Variants in ANKFN1 observed in about 807,000 individuals in gnomAD.
ANKFN1 encodes the protein ankyrin repeat and fibronectin type-III domain-containing protein 1.
Under a neutral mutation model 108.7 loss-of-function variants are expected in ANKFN1, and 74 were observed. The ratio of observed to expected loss-of-function variants is 0.68; its 90% CI spans 0.56 to 0.83. ANKFN1 has a LOEUF of 0.83. Among genes scored for constraint, ANKFN1 ranks in the 40% least tolerant of loss-of-function variants. The pLI is 0.00. For missense variants in ANKFN1, 1,505 were observed against 1,382.3 expected (o/e 1.09, Z -1.41); for synonymous variants, 547 against 516.2 (o/e 1.06, Z -0.81).
chr17:56,381,535 T>A (rs1162852576), intron 8 of ANKFN1, among the ~76,000 whole-genome samples: 1 of 152,098 alleles, frequency 6.6e-6, no homozygotes, highest in African/African-American at 2.4e-5. Context: ...TTGAAAACTT[T>A]GAAAAAAATT....
intron 18 of ANKFN1, among the ~76,000 whole-genome samples, chr17:56,484,815 C>G (rs975858855): frequency 6.6e-6 from 1 of 152,196 alleles, no homozygotes; most frequent in Non-Finnish European, 1.5e-5. Context: ...CATTGTTATT[C>G]CATGATTACA....
At chr17:56,306,663 T>C (rs1290254822) in intron 3 of ANKFN1, among the ~76,000 whole-genome samples, 2 of 152,190 alleles carry the variant, frequency 1.3e-5, no homozygotes, top group Non-Finnish European at 1.5e-5. Context: ...CAAGGTAATT[T>C]ATAGATTCAA....
chr17:56,073,183 G>A (rs1465844928), intron 4 of ANKFN1, among the ~76,000 whole-genome samples: 1 of 151,878 alleles, frequency 6.6e-6, no homozygotes, highest in African/African-American at 2.4e-5. Flanking sequence ...TAGTAGAGAC[G>A]GGGTTTCACC....
intron 8 of ANKFN1, among the ~76,000 whole-genome samples, chr17:56,413,614 T>A (rs746950238): frequency 7.9e-5 from 12 of 152,248 alleles, no homozygotes; most frequent in Non-Finnish European, 1.6e-4. Context: ...AGTTTTATAT[T>A]GAGAGTTTTT....
At chr17:56,389,762 A>G (rs1162059627) in intron 8 of ANKFN1, among the ~76,000 whole-genome samples, 3 of 152,192 alleles carry the variant, frequency 2.0e-5, no homozygotes, top group Non-Finnish European at 4.4e-5. Flanking sequence ...ATGGAGTAAT[A>G]AGAAGTTTTT....
At chr17:56,059,676 T>A (rs1210073224) in intron 4 of ANKFN1, among the ~76,000 whole-genome samples, 1 of 152,222 alleles carries the variant, frequency 6.6e-6, no homozygotes, top group Non-Finnish European at 1.5e-5. Flanking sequence ...CCCAGCACCA[T>A]TTATTGAATA....
chr17:56,124,645 G>A (rs912662182), intron 4 of ANKFN1, among the ~76,000 whole-genome samples: 4 of 152,140 alleles, frequency 2.6e-5, no homozygotes, highest in Admixed American at 6.5e-5. Context: ...CCAATCAGAC[G>A]CTCGGAACAA....
intron 3 of ANKFN1, among the ~76,000 whole-genome samples, chr17:56,297,947 A>C (rs1043967673): frequency 6.6e-6 from 1 of 152,188 alleles, no homozygotes; most frequent in South Asian, 2.1e-4. Flanking sequence ...CTTGGGGGGA[A>C]ATGCTCCTAC....
intron 1 of ANKFN1, among the ~76,000 whole-genome samples, chr17:56,157,880 G>T (rs533062037): frequency 1.3e-5 from 2 of 152,118 alleles, no homozygotes; most frequent in African/African-American, 4.8e-5. Context: ...CTCCACTCCC[G>T]TTTTCAGGCT....
In ANKFN1 at chr17:56,457,297, A is replaced by G; in HGVS notation, c.1348A>G (p.Ile450Val). ...IAVIFYYKDN[I>V]LVTNEDQVPI... ...CGTTATATTTTATTACAAAGACAAT[A>G]TCTTAGTCACCAATGAAGATCAAGT... Residue 450 changes from isoleucine to valine, a missense_variant, in exon 13 of 21, where the codon ATC becomes GTC. By Grantham distance (29) the Ile-to-Val change is conservative (BLOSUM62 3). Transcript: ENST00000682825. 1 of 1,600,744 alleles carries G rather than the reference A, an allele frequency of 6.2e-7. No homozygotes were observed.
At chr17:56,228,335 G>A (rs1916443470) in intron 3 of ANKFN1, 1 of 202,948 alleles carries the variant, frequency 4.9e-6, no homozygotes, top group African/African-American at 2.4e-5. Context: ...GTCACAGACT[G>A]TTTCTTGTTT....
intron 1 of ANKFN1, among the ~76,000 whole-genome samples, chr17:56,203,775 A>C (rs1197909359): frequency 6.6e-6 from 1 of 152,214 alleles, no homozygotes; most frequent in African/African-American, 2.4e-5. Context: ...ATGTTGGCAA[A>C]GAATGTAAGT....
chr17:56,279,538 C>G (rs957595582), intron 3 of ANKFN1, among the ~76,000 whole-genome samples: 2 of 152,184 alleles, frequency 1.3e-5, no homozygotes, highest in African/African-American at 4.8e-5. Context: ...CATCCAGGAG[C>G]AGAATAACAC....
intron 4 of ANKFN1, among the ~76,000 whole-genome samples, chr17:56,115,715 C>G (rs1906226768): frequency 6.6e-6 from 1 of 152,058 alleles, no homozygotes; most frequent in South Asian, 2.1e-4. Flanking sequence ...GCAAAAGGAC[C>G]TTGTGCTAAC....
intron 2 of ANKFN1, among the ~76,000 whole-genome samples, chr17:56,218,037 A>G (rs1458339286): frequency 6.6e-6 from 1 of 152,150 alleles, no homozygotes; most frequent in East Asian, 1.9e-4. Flanking sequence ...CCTCCTAGTG[A>G]GTCATTAGAT....
At chr17:56,322,414 A>G (rs1355407397) in intron 3 of ANKFN1, among the ~76,000 whole-genome samples, 1 of 152,100 alleles carries the variant, frequency 6.6e-6, no homozygotes, top group Non-Finnish European at 1.5e-5. Context: ...ACTATCCACA[A>G]TGGCCAGGCC....
chr17:56,397,859 T>C (rs1031767101), intron 8 of ANKFN1, among the ~76,000 whole-genome samples: 2 of 152,188 alleles, frequency 1.3e-5, no homozygotes, highest in Non-Finnish European at 2.9e-5. Context: ...ATCTCGTCTT[T>C]AAACCTTAGT....
chr17:56,411,595 T>C (rs2048091172), intron 8 of ANKFN1, among the ~76,000 whole-genome samples: 2 of 152,350 alleles, frequency 1.3e-5, no homozygotes, highest in East Asian at 3.9e-4. Context: ...TTCAACTTTT[T>C]ACCATTTAGT....
intron 1 of ANKFN1, among the ~76,000 whole-genome samples, chr17:56,183,409 G>A (rs553791974): frequency 1.3e-5 from 2 of 152,274 alleles, no homozygotes; most frequent in South Asian, 4.1e-4. Context: ...GTAGAAATGT[G>A]ATCCCCAGTG....
Sources: allele counts gnomAD v4.1 joint callset (sites outside exome capture counted in the v4.1 genomes callset), GRCh38; gene constraint gnomAD v4.1.1; transcripts MANE v1.5; gene names NCBI Gene and HGNC (gene_info 2026-07-23, HGNC 2026-07-21).